Variants in COL4A6 observed in about 807,000 individuals in gnomAD.
COL4A6 encodes collagen alpha-6(IV) chain.
A neutral mutation model predicts 126.7 loss-of-function variants in COL4A6; 59 were observed. That is an observed-to-expected ratio of 0.47 (90% CI 0.38 to 0.58). The LOEUF is 0.58. Among genes scored for constraint, COL4A6 ranks in the 20% least tolerant of loss-of-function variants. COL4A6 has a pLI of 0.00. For synonymous variants in COL4A6, 547 were observed against 496.6 expected, an observed-to-expected ratio of 1.10 and a Z score of -1.35; for missense variants, 1,285 against 1,337.3, an observed-to-expected ratio of 0.96 and a Z score of 0.61.
chrX:108,224,926 G>A (rs2036122650), intron 3 of COL4A6, among the ~76,000 whole-genome samples: 1 of 109,875 alleles, frequency 9.1e-6, no homozygotes, highest in African/African-American at 3.3e-5. Flanking sequence ...GTGGGTAGGT[G>A]GGCCTCTCCC....
At chrX:108,390,155 C>CTTAACA (rs1349049156) in intron 2 of COL4A6, among the ~76,000 whole-genome samples, 2 of 111,343 alleles carry the variant, frequency 1.8e-5, no homozygotes, top group East Asian at 5.7e-4. Flanking sequence ...TCTGGGTGCC[C>CTTAACA]TTAACATTTT....
chrX:108,223,162 T>C (rs1358374278), intron 3 of COL4A6, among the ~76,000 whole-genome samples: 3 of 111,370 alleles, frequency 2.7e-5, no homozygotes, highest in Non-Finnish European at 5.6e-5. Context: ...TTCTCACTCA[T>C]ACGTGGGAGT....
intron 37 of COL4A6, 132 bp from the exon 38 acceptor site, chrX:108,165,618 A>G (rs761415091): frequency 4.6e-5 from 19 of 410,642 alleles, no homozygotes; most frequent in Non-Finnish European, 7.0e-5. Context: ...AGAGAACGCC[A>G]GCAGAGGGCT....
chrX:108,157,299 C>T (rs778711645), intron 44 of COL4A6, 39 bp from the exon 45 acceptor site: 1 of 1,188,285 alleles, frequency 8.4e-7, no homozygotes, highest in East Asian at 3.0e-5. Flanking sequence ...GCTGTGCCTG[C>T]CAAGGGTTGG....
intron 3 of COL4A6, among the ~76,000 whole-genome samples, chrX:108,232,114 T>C (rs2036323742): frequency 8.9e-6 from 1 of 111,836 alleles, no homozygotes; most frequent in Non-Finnish European, 1.9e-5. Flanking sequence ...TCTTTAGACA[T>C]GTCATATTTT....
intron 37 of COL4A6, 126 bp downstream of exon 37, chrX:108,169,369 G>C: frequency 1.1e-6 from 1 of 898,829 alleles, no homozygotes; most frequent in South Asian, 2.6e-5. Context: ...ACTGGGTTGT[G>C]AGACTCCCAG....
At position 108,191,510 on chromosome X, in the gene COL4A6, G is replaced by A; in HGVS notation, c.1204C>T (p.Gln402Ter). 1.7e-6 allele frequency: 2 copies of A among 1,210,436 alleles called. No individual in the cohort carries two copies. The highest frequency in any genetic ancestry group is 2.2e-6 in the Non-Finnish European group (2 of 894,877). The change falls in exon 19 of 45, where the codon CAG (glutamine) becomes TAG (stop). Residue 402 changes from glutamine (Q) to a stop codon, truncating the protein, a stop_gained. Transcript: ENST00000334504. LOFTEE classifies it high-confidence loss of function. ...LSGVPGALGP[Q>*]GFPGLKGDQG... ...TCCCCCTTCAGCCCTGGAAATCCCT[G>A]AGGCCCTAGGGCTCCTGGGACACCT...
intron 27 of COL4A6, among the ~76,000 whole-genome samples, chrX:108,177,619 C>T (rs756603655): frequency 2.7e-5 from 3 of 112,293 alleles, no homozygotes; most frequent in South Asian, 3.7e-4. Flanking sequence ...TCTTTCACCA[C>T]GCTTTAAAGT....
At chrX:108,400,601 C>G (rs1306737020) in intron 2 of COL4A6, among the ~76,000 whole-genome samples, 1 of 111,363 alleles carries the variant, frequency 9.0e-6, no homozygotes, top group Non-Finnish European at 1.9e-5. Context: ...CAGAAAATCT[C>G]TTTTCCAGCT....
intron 2 of COL4A6, among the ~76,000 whole-genome samples, chrX:108,382,962 A>AATAATAATAAT (rs2040591687): frequency 2.3e-5 from 2 of 88,304 alleles, no homozygotes; most frequent in African/African-American, 8.3e-5. Flanking sequence ...CCCCCGCCAA[A>AATAATAATAAT]AATAATAATA....
chrX:108,333,008 T>C (rs1228999276), intron 2 of COL4A6, among the ~76,000 whole-genome samples: 1 of 111,285 alleles, frequency 9.0e-6, no homozygotes, highest in Non-Finnish European at 1.9e-5. Flanking sequence ...TTTTAGGATA[T>C]GGTGATAGAT....
At chrX:108,331,030 A>G (rs2039284399) in intron 2 of COL4A6, among the ~76,000 whole-genome samples, 1 of 111,831 alleles carries the variant, frequency 8.9e-6, no homozygotes, top group African/African-American at 3.3e-5. Context: ...CATCATGTGT[A>G]AAGGACATCA....
chrX:108,232,027 A>G (rs781445884), intron 3 of COL4A6, among the ~76,000 whole-genome samples: 1 of 111,657 alleles, frequency 9.0e-6, no homozygotes, highest in Non-Finnish European at 1.9e-5. Context: ...CTAGCATATT[A>G]GTTTAGTGGC....
chrX:108,202,523 G>C (rs2035415698), intron 13 of COL4A6, among the ~76,000 whole-genome samples: 1 of 111,947 alleles, frequency 8.9e-6, no homozygotes, highest in African/African-American at 3.2e-5. Context: ...ATAAGTGCTA[G>C]ACATGTAGTA....
intron 24 of COL4A6, 41 bp from the exon 25 acceptor site, chrX:108,180,663 G>A (rs1204655021): frequency 1.9e-5 from 19 of 1,019,631 alleles, no homozygotes; most frequent in South Asian, 2.2e-5. Flanking sequence ...AAGGAAAGTC[G>A]GTGTGCTAGG....
Position 108,180,664 on chromosome X carries a change from G to A in COL4A6, c.2024-42C>T, listed in dbSNP as rs1017453117. On this transcript the variant is annotated intron_variant, in intron 24 of 44. Transcript: ENST00000334504. The stretch of plus-strand genomic sequence containing the variant: ...AAGCAATGAGGGGAAAGGAAAGTCG[G>A]TGTGCTAGGTATGATTTGTGATGTT... 5 of 1,026,457 alleles carry A rather than the reference G, an allele frequency of 4.9e-6. No homozygotes were observed. The Admixed American group carries it at 1.4e-4, about 29-fold the overall frequency. 84.6% of individuals were successfully genotyped at this position (1,026,457 alleles called of 1,213,427 possible).
intron 13 of COL4A6, among the ~76,000 whole-genome samples, chrX:108,199,156 T>C (rs1224564788): frequency 9.1e-6 from 1 of 110,494 alleles, no homozygotes; most frequent in Non-Finnish European, 1.9e-5. Flanking sequence ...TTACAAAGAT[T>C]TGGACTCATA....
At chrX:108,212,308 A>C (rs772193732) in intron 6 of COL4A6, among the ~76,000 whole-genome samples, 6 of 111,113 alleles carry the variant, frequency 5.4e-5, no homozygotes, top group Non-Finnish European at 1.1e-4. Flanking sequence ...AGATATCTAC[A>C]AAACTACCTT....
rs940280593 is a variant in COL4A6 at position 108,424,835 on chromosome X, A to G, written c.63+13107T>C. 4.5e-5 allele frequency among the ~76,000 whole-genome samples: 5 copies of G among 110,851 alleles called. No homozygotes were observed. The Admixed American group carries it at 4.8e-4, about 11-fold the overall frequency. ...GTTTGAGACGAGCCTACAAAGTGAA[A>G]ACCCCATCTCTACAAAACATACAAA... On this transcript the variant is annotated intron_variant, in intron 2 of 44. Coordinates refer to ENST00000334504, the MANE Select transcript of COL4A6 (RefSeq NM_033641.4).
Sources: gnomAD v4.1 joint callset for allele counts (sites outside exome capture counted in the v4.1 genomes callset) on GRCh38, gnomAD v4.1.1 for gene constraint, MANE v1.5 for transcripts, NCBI Gene and HGNC (gene_info 2026-07-23, HGNC 2026-07-21) for gene names.